UCHL5: variants seen among roughly 807,000 people sequenced by gnomAD.
UCHL5 encodes ubiquitin C-terminal hydrolase L5, also known as ubiquitin carboxyl-terminal hydrolase isozyme L5.
Under a neutral mutation model 53.8 loss-of-function variants are expected in UCHL5, and 34 were observed. That is an observed-to-expected ratio of 0.63 (90% CI 0.48 to 0.84). The LOEUF (loss-of-function observed/expected upper bound fraction) is 0.84. Ranked by LOEUF, UCHL5 falls within the 40% of genes least tolerant of loss-of-function variation. UCHL5 has a pLI of 0.00. For missense variants in UCHL5, 290 were observed against 385.6 expected, an observed-to-expected ratio of 0.75 and a Z score of 2.08; for synonymous variants, 111 against 126.3, an observed-to-expected ratio of 0.88 and a Z score of 0.81.
intron 7 of UCHL5, among the ~76,000 whole-genome samples, chr1:193,026,097 A>G (rs954862970): frequency 2.0e-5 from 3 of 152,086 alleles, no homozygotes; most frequent in Admixed American, 2.0e-4. Flanking sequence ...GGCAAAAAAA[A>G]AAAAAAAAAT....
chr1:193,017,438 T>C (rs1219666509), intron 10 of UCHL5, among the ~76,000 whole-genome samples: 2 of 151,724 alleles, frequency 1.3e-5, no homozygotes, highest in Non-Finnish European at 3.0e-5. Flanking sequence ...TAAGAGCAAA[T>C]AGTCTGTGTG....
chr1:193,044,564 C>T (rs1208452911), intron 3 of UCHL5, among the ~76,000 whole-genome samples: 1 of 152,072 alleles, frequency 6.6e-6, no homozygotes, highest in Non-Finnish European at 1.5e-5. Flanking sequence ...CACACGCAAC[C>T]CCCTTGAATT....
chr1:193,030,107 C>T (rs1344285179), intron 3 of UCHL5, among the ~76,000 whole-genome samples: 1 of 152,186 alleles, frequency 6.6e-6, no homozygotes, highest in African/African-American at 2.4e-5. Flanking sequence ...AGTTTCCACC[C>T]TCATTTAAAT....
chr1:193,016,766 T>C (rs1042746786), intron 10 of UCHL5, among the ~76,000 whole-genome samples: 1 of 151,956 alleles, frequency 6.6e-6, no homozygotes, highest in East Asian at 1.9e-4. Context: ...AGAAAAATCT[T>C]ACATTAGTTT....
chr1:193,032,927 T>A (rs1662005331), intron 3 of UCHL5, among the ~76,000 whole-genome samples: 1 of 152,152 alleles, frequency 6.6e-6, no homozygotes, highest in Admixed American at 6.5e-5. Context: ...ACATTGTTGG[T>A]GGGAGTGTAA....
At position 193,029,561 on chromosome 1, in the gene UCHL5, T is replaced by C; in HGVS notation, c.343A>G (p.Lys115Glu). ...GCATCAAAACTTTGTGAAAATTCTT[T>C]AAACTCTGATAATGTCTCGCCTAAA... The part of the protein sequence containing the change: ...VHLGETLSEF[K>E]EFSQSFDAAM... The change falls in exon 4 of 11, where the codon AAA (lysine) becomes GAA (glutamate). Residue 115 changes from lysine to glutamate, a missense_variant. Physicochemically the swap from Lys to Glu is moderately conservative, Grantham distance 56 (BLOSUM62 1). Coordinates refer to ENST00000367454, the MANE Select transcript of UCHL5 (RefSeq NM_001199261.3). The C allele has an allele frequency of 6.2e-7, 1 of 1,613,644 alleles. No individual in the cohort carries two copies. Among genetic ancestry groups the C allele is most frequent in the Non-Finnish European group, 8.5e-7 (1 of 1,179,742 alleles).
At chr1:193,032,768 A>G (rs1661939241) in intron 3 of UCHL5, among the ~76,000 whole-genome samples, 1 of 152,260 alleles carries the variant, frequency 6.6e-6, no homozygotes, top group Non-Finnish European at 1.5e-5. Flanking sequence ...CAACAAACAT[A>G]TGAAAGAAAG....
At chr1:193,059,440 G>A, upstream of UCHL5, 1 of 1,610,284 alleles carries the variant, frequency 6.2e-7, no homozygotes, top group Non-Finnish European at 8.5e-7. This position sits in a 1 kb window ranked among gnomAD's most constrained non-coding sequence, Gnocchi z 4.9. Flanking sequence ...GCGGGAGGAC[G>A]CTCTAGCCAC....
chr1:193,021,061 AAACTT>A (rs1406778566), intron 10 of UCHL5, 31 bp downstream of exon 10: 1 of 1,465,890 alleles, frequency 6.8e-7, no homozygotes, highest in Non-Finnish European at 9.5e-7. Flanking sequence ...TGGAGACTCT[AAACTT>A]AATTTAAGTA....
chr1:193,029,285 C>T lies in UCHL5; in HGVS notation c.459G>A (p.Thr153=). The T allele has an allele frequency of 1.9e-6, 3 of 1,613,570 alleles. No individual in the cohort carries two copies. The highest frequency in any genetic ancestry group is 4.5e-5 in the East Asian group (2 of 44,812). The change falls in exon 6 of 11, where the codon ACG becomes ACA. Residue 153 remains threonine, a synonymous_variant. Coordinates refer to ENST00000367454, the MANE Select transcript of UCHL5 (RefSeq NM_001199261.3). ...CATCTTCTTCTTTTGCTGATGTCTT[C>T]GTATCAAATTCAAACATTTGCTGTC... The part of the protein sequence containing the change: ...FARQQMFEFD[T]KTSAKEEDAF...
chr1:193,032,011 AGAGTTTG>A lies in UCHL5; in HGVS notation c.247-2361_247-2355del, dbSNP rs1176653960. Among the ~76,000 whole-genome samples, 3 of 152,314 alleles carry A rather than the reference AGAGTTTG, an allele frequency of 2.0e-5. No homozygotes were observed. In the East Asian group the frequency reaches 5.8e-4, roughly 29 times the overall value. On this transcript the variant is annotated intron_variant, in intron 3 of 10. Transcript: ENST00000367454. ...CAAGTAGGACTGACCCAGAACCTTA[AGAGTTTG>A]GTTTGAATTCCTACGCCAGGGTATA...
rs1657098879 is a variant in UCHL5 at position 193,021,747 on chromosome 1, T to C, written c.844-552A>G. On this transcript the variant is annotated intron_variant, in intron 9 of 10. Coordinates refer to ENST00000367454, the MANE Select transcript of UCHL5 (RefSeq NM_001199261.3). Reference sequence around the variant, plus strand: ...CTGGTAGAAGTATAATTGATTGCCCTTCCATAGAAAGTTTCCATCTCTTAT... The same window carrying C: ...CTGGTAGAAGTATAATTGATTGCCCCTCCATAGAAAGTTTCCATCTCTTAT... Among the ~76,000 whole-genome samples, 3 of 152,340 alleles carry C rather than the reference T, an allele frequency of 2.0e-5. No homozygotes were observed. The South Asian group carries it at 6.2e-4, about 32-fold the overall frequency.
rs12081577 is a variant in UCHL5, at chr1:193,057,303, C to T, written c.76+1882G>A. The T allele has an allele frequency of 1.7e-3, 282 of 164,600 alleles. 1 individual carries two copies. The highest frequency in any genetic ancestry group is 6.0e-3 in the African/African-American group (250 of 41,932). The allele number at this position is 164,600 out of a possible 1,614,324, so 10.2% of individuals were successfully genotyped here. On this transcript the variant is annotated intron_variant, in intron 1 of 10. Transcript: ENST00000367454. The stretch of plus-strand genomic sequence containing the variant: ...CTCTTATGTAGGAGTAATATACTAC[C>T]ACTCAACCTCTACTGTAAGGTTGGC...
chr1:193,050,335 A>G (rs1042656338), intron 2 of UCHL5, among the ~76,000 whole-genome samples: 2 of 152,192 alleles, frequency 1.3e-5, no homozygotes, highest in Non-Finnish European at 2.9e-5. Context: ...GAAATCATCC[A>G]CTTTCCTAAA....
chr1:193,051,820 G>T lies in UCHL5; in HGVS notation c.77-3C>A. The T allele has an allele frequency of 6.3e-7, 1 of 1,584,930 alleles. No individual in the cohort carries two copies. Among genetic ancestry groups the T allele is most frequent in the South Asian group, 1.2e-5 (1 of 85,480 alleles). ...TTCTACTTGGGCTCCTCGGCAACCT[G>T]AAATAATAAATTATTTTCTTCAGTA... On this transcript the variant is annotated splice_polypyrimidine_tract_variant and splice_region_variant and intron_variant, in intron 1 of 10. Coordinates refer to ENST00000367454, the MANE Select transcript of UCHL5 (RefSeq NM_001199261.3).
intron 3 of UCHL5, among the ~76,000 whole-genome samples, chr1:193,034,242 T>C (rs1172397672): frequency 2.0e-5 from 3 of 151,660 alleles, no homozygotes; most frequent in Admixed American, 1.3e-4. Context: ...CACACAAACA[T>C]GCAAGTGAGA....
At chr1:193,034,284 A>G (rs1312433241) in intron 3 of UCHL5, among the ~76,000 whole-genome samples, 1 of 152,112 alleles carries the variant, frequency 6.6e-6, no homozygotes, top group Non-Finnish European at 1.5e-5. Flanking sequence ...ACTAAAAATA[A>G]AATAAGATTT....
upstream of UCHL5, chr1:193,059,665 G>A (rs762160317): frequency 1.5e-6 from 2 of 1,376,660 alleles, no homozygotes; most frequent in African/African-American, 1.5e-5. The surrounding 1 kb of genome is among the most constrained non-coding windows in gnomAD (Gnocchi z 4.9). Flanking sequence ...GGCTGTTGCT[G>A]TTGCTGTGGC....
rs1368765689 is a variant in UCHL5, at chr1:193,029,593, T to C, written c.311A>G (p.Asp104Gly). 8.1e-6 allele frequency: 13 copies of C among 1,613,502 alleles called. No homozygotes were observed. Among genetic ancestry groups the C allele is most frequent in the Non-Finnish European group, 1.1e-5 (13 of 1,179,690 alleles). ...VSVLLNCTHQ[D>G]VHLGETLSEF... is the part of the protein sequence containing the mutation. ...TGATAATGTCTCGCCTAAATGGACATCCTGGTGGGTACAGTTCAGTAACAC... is the reference window on the plus strand; with the variant it reads ...TGATAATGTCTCGCCTAAATGGACACCCTGGTGGGTACAGTTCAGTAACAC... Residue 104 changes from aspartate to glycine, a missense_variant, in exon 4 of 11, where the codon GAT (aspartate) becomes GGT (glycine). By Grantham distance (94) the Asp-to-Gly change is moderately conservative (BLOSUM62 -1). Transcript: ENST00000367454.
Sources: allele counts gnomAD v4.1 joint callset (sites outside exome capture counted in the v4.1 genomes callset), GRCh38; gene constraint gnomAD v4.1.1; non-coding constraint Gnocchi (gnomAD v3.1); transcripts MANE v1.5; gene names NCBI Gene and HGNC (gene_info 2026-07-23, HGNC 2026-07-21).